Variants in PCDHGA1 observed in about 807,000 individuals in gnomAD.
PCDHGA1 encodes protocadherin gamma-A1.
Under a neutral mutation model 58.0 loss-of-function variants are expected in PCDHGA1, and 32 were observed. That is an observed-to-expected ratio of 0.55 (90% CI 0.42 to 0.74). The LOEUF is 0.74. Ranked by LOEUF, PCDHGA1 falls within the 30% of genes least tolerant of loss-of-function variation. The pLI is 0.00. For synonymous variants in PCDHGA1, 498 were observed against 501.1 expected (o/e 0.99, Z 0.08); for missense variants, 1,205 against 1,182.3 (o/e 1.02, Z -0.28).
At chr5:141,383,248 T>A in intron 1 of PCDHGA1, 1 of 1,613,948 alleles carries the variant, frequency 6.2e-7, no homozygotes. Context: ...AATGAATCTT[T>A]ACCCTATAGA....
chr5:141,471,630 G>T (rs2099261496), intron 1 of PCDHGA1: 1 of 152,108 alleles, frequency 6.6e-6, no homozygotes, highest in African/African-American at 2.4e-5. Context: ...GCATTGGTAT[G>T]GATTAGTAAT....
rs776677714 is a variant in PCDHGA1 at position 141,419,329 on chromosome 5, T to C, written c.2422-75478T>C. The C allele has an allele frequency of 7.4e-6, 12 of 1,613,842 alleles. 2 individuals carry two copies. The South Asian group carries it at 1.3e-4, about 18-fold the overall frequency. On this transcript the variant is annotated intron_variant, in intron 1 of 3. Coordinates refer to ENST00000517417, the MANE Select transcript of PCDHGA1 (RefSeq NM_018912.3). The stretch of plus-strand genomic sequence containing the variant: ...GGCTCAACGGCCGTGTCTCCTACTC[T>C]CTCATTGCCAGCGACCTGGAGTCAC...
chr5:141,376,351 G>A (rs1333788917), intron 1 of PCDHGA1: 4 of 1,614,178 alleles, frequency 2.5e-6, no homozygotes, highest in Non-Finnish European at 3.4e-6. Context: ...ATTCCCACGA[G>A]GTCTCACTCA....
At chr5:141,492,163 C>T (rs921256341) in intron 1 of PCDHGA1, among the ~76,000 whole-genome samples, 22 of 152,232 alleles carry the variant, frequency 1.4e-4, no homozygotes, top group African/African-American at 5.3e-4. Context: ...CCTCCCTATC[C>T]CCGCATCACC....
At chr5:141,408,769 C>T in intron 1 of PCDHGA1, 1 of 1,611,166 alleles carries the variant, frequency 6.2e-7, no homozygotes, top group Non-Finnish European at 8.5e-7. Context: ...CCGATGGTGG[C>T]AAATACCCAG....
intron 1 of PCDHGA1, chr5:141,404,273 C>G (rs751189949): frequency 6.2e-7 from 1 of 1,613,870 alleles, no homozygotes; most frequent in African/African-American, 1.3e-5. Flanking sequence ...CATCACCCTG[C>G]AAGTGACTGA....
At chr5:141,356,122 G>A in intron 1 of PCDHGA1, 1 of 1,613,886 alleles carries the variant, frequency 6.2e-7, no homozygotes, top group Non-Finnish European at 8.5e-7. Context: ...GGGGGGTCTA[G>A]ATTATGAGGA....
At chr5:141,340,142 C>T (rs1423721423) in intron 1 of PCDHGA1, 3 of 1,614,172 alleles carry the variant, frequency 1.9e-6, no homozygotes, top group Middle Eastern at 1.6e-4. Flanking sequence ...CGAGGATCTT[C>T]CTTTTAAGTT....
intron 1 of PCDHGA1, chr5:141,399,412 T>A: frequency 6.2e-7 from 1 of 1,613,948 alleles, no homozygotes; most frequent in Non-Finnish European, 8.5e-7. Flanking sequence ...GCCGCCCCTC[T>A]CCTCCAGCAT....
intron 1 of PCDHGA1, chr5:141,421,172 G>A: frequency 7.3e-7 from 1 of 1,366,164 alleles, no homozygotes; most frequent in Non-Finnish European, 9.8e-7. Context: ...AGATACATAA[G>A]CCGATTCACA....
chr5:141,370,754 T>A, intron 1 of PCDHGA1: 1 of 1,613,980 alleles, frequency 6.2e-7, no homozygotes, highest in Non-Finnish European at 8.5e-7. Flanking sequence ...TTCATGTAAC[T>A]GTGCTGATCC....
chr5:141,377,241 ATTTGTAAGGTTCTTTCTTT>A (rs1413175738), intron 1 of PCDHGA1: 3 of 151,708 alleles, frequency 2.0e-5, no homozygotes, highest in Non-Finnish European at 4.4e-5. Context: ...ACTATGTGAC[ATTTGTAAGGTTCTTTCTTT>A]TTCTAATGTG....
chr5:141,450,454 G>A (rs144071286), intron 1 of PCDHGA1, among the ~76,000 whole-genome samples: 3,498 of 151,958 alleles, frequency 0.023, 60 homozygotes, highest in Middle Eastern at 0.051. Flanking sequence ...ATGTTTCCTC[G>A]TGATTTTATA....
intron 1 of PCDHGA1, among the ~76,000 whole-genome samples, chr5:141,349,734 A>G (rs1758343785): frequency 6.6e-6 from 1 of 152,188 alleles, no homozygotes; most frequent in Non-Finnish European, 1.5e-5. Context: ...TTATCAATTC[A>G]CTTATTTGGA....
rs2099692814 is a variant in PCDHGA1 at position 141,489,840 on chromosome 5, G to A, written c.2422-4967G>A. 6.2e-7 allele frequency: 1 copy of A among 1,614,190 alleles called. No individual in the cohort carries two copies. The highest frequency in any genetic ancestry group is 8.5e-7 in the Non-Finnish European group (1 of 1,179,990). On this transcript the variant is annotated intron_variant, in intron 1 of 3. Coordinates refer to ENST00000517417, the MANE Select transcript of PCDHGA1 (RefSeq NM_018912.3). The surrounding 1 kb of genome is among the most constrained non-coding windows in gnomAD (Gnocchi z 4.5). ...CAGAGCTGGTGCTAGAGCAGCAGCT[G>A]GATCGTGAAGCCCAGGCAAGACATC... is the stretch of plus-strand genomic sequence containing the variant.
At chr5:141,495,236 A>G (rs2099759742) in intron 2 of PCDHGA1, among the ~76,000 whole-genome samples, 1 of 152,168 alleles carries the variant, frequency 6.6e-6, no homozygotes, top group South Asian at 2.1e-4. Flanking sequence ...GGGCTCCATT[A>G]TGACCTGGGG....
At chr5:141,415,045 G>A (rs2095819214) in intron 1 of PCDHGA1, 23 of 1,613,538 alleles carry the variant, frequency 1.4e-5, no homozygotes, top group Non-Finnish European at 1.8e-5. Flanking sequence ...CTTCGCGGTG[G>A]GGGAGCACAC....
At chr5:141,429,378 T>G (rs890583768) in intron 1 of PCDHGA1, among the ~76,000 whole-genome samples, 3 of 105,336 alleles carry the variant, frequency 2.8e-5, no homozygotes, top group African/African-American at 5.2e-5. Flanking sequence ...AGAAAATGTG[T>G]TTTTTTTTTA....
chr5:141,356,389 A>C (rs1291017239), intron 1 of PCDHGA1: 1 of 1,574,322 alleles, frequency 6.4e-7, no homozygotes. Flanking sequence ...ACTTGAAAAG[A>C]CCTATGGAAA....
Sources: gnomAD v4.1 joint callset for allele counts (sites outside exome capture counted in the v4.1 genomes callset) on GRCh38, gnomAD v4.1.1 for gene constraint, Gnocchi (gnomAD v3.1) non-coding constraint, MANE v1.5 for transcripts, NCBI Gene and HGNC (gene_info 2026-07-23, HGNC 2026-07-21) for gene names.